The following DOCK2 variants were observed in gnomAD, a reference collection of about 807,000 sequenced individuals.
The protein encoded by DOCK2 is dedicator of cytokinesis protein 2.
A neutral mutation model predicts 248.9 loss-of-function variants in DOCK2; 87 were observed. The observed-to-expected ratio is 0.35, with a 90% CI of 0.29 to 0.42. DOCK2 has a LOEUF of 0.42. Ranked by LOEUF, DOCK2 falls within the 10% of genes least tolerant of loss-of-function variation. DOCK2 has a pLI of 1.00. For synonymous variants in DOCK2, 805 were observed against 821.6 expected (o/e 0.98, Z 0.35); for missense variants, 1,747 against 2,300.2 (o/e 0.76, Z 4.92).
intron 14 of DOCK2, among the ~76,000 whole-genome samples, chr5:169,704,571 AAAT>A (rs1250995885): frequency 1.3e-5 from 2 of 152,216 alleles, no homozygotes; most frequent in African/African-American, 4.8e-5. Flanking sequence ...GTGTAAAAAG[AAAT>A]AATAACCTCT....
intron 27 of DOCK2, among the ~76,000 whole-genome samples, chr5:169,848,838 T>G (rs30084): frequency 0.69 from 105,075 of 152,020 alleles, 37,464 homozygotes; most frequent in African/African-American, 0.88. Flanking sequence ...AAGTCACCTT[T>G]TCCTCTGCTG....
chr5:169,885,609 G>T (rs1280972732), intron 27 of DOCK2, among the ~76,000 whole-genome samples: 1 of 152,148 alleles, frequency 6.6e-6, no homozygotes, highest in Non-Finnish European at 1.5e-5. Context: ...ACCATTTATT[G>T]AGCACATACT....
intron 28 of DOCK2, 135 bp downstream of exon 28, chr5:169,983,301 A>T: frequency 2.1e-6 from 2 of 948,494 alleles, no homozygotes; most frequent in Non-Finnish European, 3.2e-6. Context: ...GATGAATCAC[A>T]GACATTTTGG....
chr5:169,752,205 GC>G (rs1169740120), intron 23 of DOCK2, among the ~76,000 whole-genome samples: 8 of 152,226 alleles, frequency 5.3e-5, no homozygotes, highest in Non-Finnish European at 1.2e-4. Flanking sequence ...AGGCCAATTT[GC>G]CCCACTCTCC....
chr5:169,988,913 G>A (rs1363154711), intron 29 of DOCK2, among the ~76,000 whole-genome samples: 1 of 152,178 alleles, frequency 6.6e-6, no homozygotes, highest in Non-Finnish European at 1.5e-5. Context: ...GTGTTCCCCA[G>A]AATACCATTT....
chr5:169,770,694 A>G (rs1053861284), intron 25 of DOCK2, among the ~76,000 whole-genome samples: 2 of 152,146 alleles, frequency 1.3e-5, no homozygotes, highest in Admixed American at 6.6e-5. Context: ...TTTGAACTTT[A>G]CGAAAAGTGT....
At chr5:169,921,504 C>T (rs1182690294) in intron 27 of DOCK2, among the ~76,000 whole-genome samples, 3 of 152,204 alleles carry the variant, frequency 2.0e-5, no homozygotes, top group Non-Finnish European at 1.5e-5. Flanking sequence ...CGTGGATCAA[C>T]AGTTTTGTAG....
intron 26 of DOCK2, among the ~76,000 whole-genome samples, chr5:169,810,440 T>C (rs746182286): frequency 3.3e-5 from 5 of 152,224 alleles, no homozygotes; most frequent in Non-Finnish European, 5.9e-5. Flanking sequence ...TTACTAGTGA[T>C]TCATGAGTCA....
intron 27 of DOCK2, among the ~76,000 whole-genome samples, chr5:169,845,497 C>T (rs1770252055): frequency 6.6e-6 from 1 of 152,204 alleles, no homozygotes; most frequent in African/African-American, 2.4e-5. Context: ...GTTTGTTGAG[C>T]AAATGAAGGC....
At position 169,669,567 on chromosome 5, in the gene DOCK2, T is replaced by G. The variant is rs114702666; in HGVS notation, c.168+239T>G. Among the ~76,000 whole-genome samples the G allele has an allele frequency of 4.7e-3, 712 of 152,304 alleles. 8 individuals are homozygous for G. Among genetic ancestry groups the G allele is most frequent in the African/African-American group, 0.016 (647 of 41,568 alleles). On this transcript the variant is annotated intron_variant, in intron 3 of 51. Transcript: ENST00000520908. The stretch of plus-strand genomic sequence containing the variant: ...CATCTCCCTGCAACTTTTCCTGATA[T>G]GCCACTCACTTATGATTTCTCCCTT...
At chr5:169,904,994 C>T (rs1774193483) in intron 27 of DOCK2, among the ~76,000 whole-genome samples, 1 of 152,192 alleles carries the variant, frequency 6.6e-6, no homozygotes, top group African/African-American at 2.4e-5. Flanking sequence ...AACTGAACCT[C>T]CCTGAGCCTC....
At chr5:169,765,355 G>A (rs1046309376) in intron 25 of DOCK2, among the ~76,000 whole-genome samples, 8 of 152,196 alleles carry the variant, frequency 5.3e-5, no homozygotes, top group Admixed American at 5.2e-4. Context: ...CTTGCTCCCT[G>A]TGGATGACTT....
At chr5:169,874,675 A>C (rs1282171428) in intron 27 of DOCK2, among the ~76,000 whole-genome samples, 1 of 152,168 alleles carries the variant, frequency 6.6e-6, no homozygotes, top group African/African-American at 2.4e-5. Context: ...TCCCTTGGCC[A>C]GGGAGCAGAA....
At chr5:170,015,511 G>T (rs1196721837) in intron 32 of DOCK2, among the ~76,000 whole-genome samples, 5 of 152,178 alleles carry the variant, frequency 3.3e-5, no homozygotes, top group African/African-American at 1.2e-4. Context: ...AGACAGAGGA[G>T]CAAAGATCGG....
intron 29 of DOCK2, among the ~76,000 whole-genome samples, chr5:169,994,789 T>C (rs1754541870): frequency 6.6e-6 from 1 of 152,258 alleles, no homozygotes; most frequent in African/African-American, 2.4e-5. Flanking sequence ...GAGAAAGAGC[T>C]TGGACTCACC....
At chr5:169,838,410 G>A (rs926697689) in intron 26 of DOCK2, among the ~76,000 whole-genome samples, 11 of 152,172 alleles carry the variant, frequency 7.2e-5, no homozygotes, top group African/African-American at 2.2e-4. Context: ...GATGTGAGAC[G>A]ATATAAAGTG....
intron 26 of DOCK2, among the ~76,000 whole-genome samples, chr5:169,834,260 T>C (rs113640097): frequency 5.3e-4 from 46 of 86,876 alleles, no homozygotes; most frequent in African/African-American, 1.3e-3. Context: ...AGACCACAAG[T>C]CCTACTCACA....
intron 1 of DOCK2, among the ~76,000 whole-genome samples, chr5:169,642,447 T>G (rs1031419431): frequency 1.3e-5 from 2 of 152,168 alleles, no homozygotes; most frequent in Non-Finnish European, 2.9e-5. Context: ...TTAGGAATGG[T>G]CTTGAATTAG....
rs564778531 is a variant in DOCK2 at position 169,923,511 on chromosome 5, A to T, written c.2800-59557A>T. On this transcript the variant is annotated intron_variant, in intron 27 of 51. Coordinates refer to ENST00000520908, the MANE Select transcript of DOCK2 (RefSeq NM_004946.3). ...CACACACACACACACACACACACAC[A>T]CTCTTTGCAGGGGAATTTTGAGCCA... 3.7e-4 allele frequency among the ~76,000 whole-genome samples: 53 copies of T among 142,288 alleles called. No homozygotes were observed. In the South Asian group the frequency reaches 0.012, roughly 32 times the overall value. The allele number at this position is 142,288 out of a possible 152,430, so 93.3% of individuals were successfully genotyped here. A position where few individuals can be genotyped will look rare whatever the true frequency, so the allele number is the denominator to read the frequency against.
Sources: gnomAD v4.1 joint callset for allele counts (sites outside exome capture counted in the v4.1 genomes callset) on GRCh38, gnomAD v4.1.1 for gene constraint, MANE v1.5 for transcripts, NCBI Gene and HGNC (gene_info 2026-07-23, HGNC 2026-07-21) for gene names.